Variants in UBAP1 observed in about 807,000 individuals in gnomAD.
The protein encoded by UBAP1 is ubiquitin-associated protein 1.
Under a neutral mutation model 39.0 loss-of-function variants are expected in UBAP1, and 5 were observed. That is an observed-to-expected ratio of 0.13 (90% CI 0.07 to 0.27). UBAP1 has a LOEUF of 0.27. Among genes scored for constraint, UBAP1 ranks in the 10% least tolerant of loss-of-function variants. The probability of loss-of-function intolerance (pLI) is 1.00; values close to 1 mark genes in which losing one functional copy is unlikely to be tolerated. For missense variants in UBAP1, 490 were observed against 608.1 expected (o/e 0.81, Z 2.04); for synonymous variants, 211 against 225.1 (o/e 0.94, Z 0.56).
chr9:34,224,225 A>G (rs1832921869), intron 2 of UBAP1: 1 of 500,968 alleles, frequency 2.0e-6, no homozygotes, highest in South Asian at 3.4e-5. Context: ...CTCAGGAGTC[A>G]GCTTGTCTCC....
At chr9:34,190,638 T>C (rs1414967108) in intron 1 of UBAP1, among the ~76,000 whole-genome samples, 2 of 148,730 alleles carry the variant, frequency 1.3e-5, no homozygotes, top group African/African-American at 4.9e-5. Flanking sequence ...TCTTTCTTTT[T>C]TTTTTTTTTT....
intron 2 of UBAP1, among the ~76,000 whole-genome samples, chr9:34,231,747 A>C (rs191878249): frequency 2.6e-5 from 4 of 151,008 alleles, no homozygotes; most frequent in Admixed American, 2.6e-4. Context: ...CGGGTTCACG[A>C]CATTCTTCTG....
intron 1 of UBAP1, among the ~76,000 whole-genome samples, chr9:34,196,962 C>A (rs1338541861): frequency 6.7e-6 from 1 of 150,104 alleles, no homozygotes; most frequent in African/African-American, 2.5e-5. Flanking sequence ...GAGTCTCACT[C>A]TGTAACCCAG....
At chr9:34,228,579 CCT>C (rs1491456048) in intron 2 of UBAP1, among the ~76,000 whole-genome samples, 3 of 86,062 alleles carry the variant, frequency 3.5e-5, no homozygotes, top group African/African-American at 7.3e-5. Context: ...TCCCCCCCCC[CCT>C]TTTTTTTTTG....
At chr9:34,231,952 A>G (rs1202047838) in intron 2 of UBAP1, among the ~76,000 whole-genome samples, 1 of 152,080 alleles carries the variant, frequency 6.6e-6, no homozygotes, top group Non-Finnish European at 1.5e-5. Context: ...ATTCTTGCTC[A>G]GACTCTCTGA....
intron 1 of UBAP1, among the ~76,000 whole-genome samples, chr9:34,214,207 A>G (rs1384957664): frequency 1.3e-5 from 2 of 152,214 alleles, no homozygotes; most frequent in African/African-American, 4.8e-5. Context: ...GAACCTGCAT[A>G]GCCAAAGCAA....
At chr9:34,250,431 C>T (rs1242581568) in intron 5 of UBAP1, among the ~76,000 whole-genome samples, 1 of 152,176 alleles carries the variant, frequency 6.6e-6, no homozygotes, top group East Asian at 1.9e-4. Flanking sequence ...GCTGCAACTC[C>T]TTTGGAAAAT....
intron 4 of UBAP1, among the ~76,000 whole-genome samples, chr9:34,247,825 T>C (rs1484566373): frequency 6.6e-6 from 1 of 152,182 alleles, no homozygotes; most frequent in Non-Finnish European, 1.5e-5. Flanking sequence ...GTCCCTAAAA[T>C]TTATTACAAA....
At chr9:34,217,556 T>A (rs548724071) in intron 1 of UBAP1, among the ~76,000 whole-genome samples, 246 of 151,984 alleles carry the variant, frequency 1.6e-3, no homozygotes, top group African/African-American at 4.3e-3. Context: ...GTGGTTTTTT[T>A]AATTTTTTTA....
At chr9:34,231,568 T>G (rs1437658858) in intron 2 of UBAP1, among the ~76,000 whole-genome samples, 2 of 151,960 alleles carry the variant, frequency 1.3e-5, no homozygotes, top group African/African-American at 4.8e-5. Context: ...AGCCATACAT[T>G]ATACTGAGTT....
At chr9:34,215,542 G>A (rs1044909616) in intron 1 of UBAP1, among the ~76,000 whole-genome samples, 8 of 139,852 alleles carry the variant, frequency 5.7e-5, no homozygotes, top group African/African-American at 2.1e-4. Context: ...GGGAAGGGTT[G>A]GAGGGGGGTG....
intron 2 of UBAP1, among the ~76,000 whole-genome samples, chr9:34,223,436 C>T (rs1475775836): frequency 6.6e-6 from 1 of 151,428 alleles, no homozygotes; most frequent in Admixed American, 6.6e-5. Flanking sequence ...GAATTCTTAA[C>T]CAAAGTGTTA....
At chr9:34,229,919 C>T (rs1456189619) in intron 2 of UBAP1, among the ~76,000 whole-genome samples, 1 of 150,472 alleles carries the variant, frequency 6.6e-6, no homozygotes, top group Admixed American at 6.6e-5. Flanking sequence ...AGGTGATCCA[C>T]CCGCCTCTGC....
At chr9:34,186,706 C>T (rs1587783684) in intron 1 of UBAP1, among the ~76,000 whole-genome samples, 3 of 151,780 alleles carry the variant, frequency 2.0e-5, no homozygotes, top group East Asian at 3.9e-4. Flanking sequence ...TTGGTCTTTT[C>T]TCTTTTTCTG....
At chr9:34,242,199 C>A in intron 4 of UBAP1, 91 bp downstream of exon 4, 1 of 1,336,780 alleles carries the variant, frequency 7.5e-7, no homozygotes, top group Non-Finnish European at 1.0e-6. Flanking sequence ...TTTTTCGAGA[C>A]AGGGTCTCAT....
chr9:34,192,574 C>T (rs904709456), intron 1 of UBAP1, among the ~76,000 whole-genome samples: 5 of 148,562 alleles, frequency 3.4e-5, no homozygotes, highest in Admixed American at 6.7e-5. Context: ...AGTTTTAAAA[C>T]CAATCTCTCT....
intron 1 of UBAP1, among the ~76,000 whole-genome samples, chr9:34,210,372 C>T (rs191962526): frequency 6.6e-6 from 1 of 152,258 alleles, no homozygotes; most frequent in Admixed American, 6.5e-5. Context: ...TTCACAGTTA[C>T]GTTCTTAACT....
Position 34,181,116 on chromosome 9 carries a change from C to CTTTCTTT in UBAP1, c.-8+1879_-8+1880insCTTTTTT, listed in dbSNP as rs1193356334. Among the ~76,000 whole-genome samples the CTTTCTTT allele has an allele frequency of 1.5e-4, 11 of 72,268 alleles. 3 individuals are homozygous for CTTTCTTT. The highest frequency in any genetic ancestry group is 2.8e-4 in the Non-Finnish European group (11 of 39,226). 47.4% of individuals were successfully genotyped at this position (72,268 alleles called of 152,430 possible). A position where few individuals can be genotyped will look rare whatever the true frequency, so the allele number is the denominator to read the frequency against. Reference sequence around the variant, plus strand: ...TGAGCCACCGCACCCGGCCTGTTTTCTTTTTTTTTTTTTTTTTGAGACAGA... The same window carrying CTTTCTTT: ...TGAGCCACCGCACCCGGCCTGTTTTCTTTCTTTTTTTTTTTTTTTTTTTTGAGACAGA... On this transcript the variant is annotated intron_variant, in intron 1 of 6. Coordinates refer to ENST00000297661, the MANE Select transcript of UBAP1 (RefSeq NM_016525.5).
At chr9:34,222,105 G>C (rs1316705596) in intron 2 of UBAP1, among the ~76,000 whole-genome samples, 1 of 152,030 alleles carries the variant, frequency 6.6e-6, no homozygotes, top group Admixed American at 6.6e-5. Context: ...CTGGGTGACA[G>C]AGTGAGACCC....
Sources: allele counts gnomAD v4.1 joint callset (sites outside exome capture counted in the v4.1 genomes callset), GRCh38; gene constraint gnomAD v4.1.1; transcripts MANE v1.5; gene names NCBI Gene and HGNC (gene_info 2026-07-23, HGNC 2026-07-21).